The following FAM120A variants were observed in gnomAD, a reference collection of about 807,000 sequenced individuals.
FAM120A encodes family with sequence similarity 120 member A.
Under a neutral mutation model 109.7 loss-of-function variants are expected in FAM120A, and 15 were observed. The observed-to-expected ratio is 0.14, with a 90% CI of 0.09 to 0.21. FAM120A has a LOEUF of 0.21. FAM120A is among the 10% of genes least tolerant of loss of function. The pLI is 1.00. For synonymous variants in FAM120A, 493 were observed against 572.8 expected (o/e 0.86, Z 1.99); for missense variants, 899 against 1,439.3 (o/e 0.62, Z 6.07).
intron 17 of FAM120A, 60 bp from the exon 18 acceptor site, chr9:93,564,169 T>C: frequency 9.1e-6 from 14 of 1,532,144 alleles, no homozygotes; most frequent in Non-Finnish European, 1.2e-5. Context: ...AAAATTGGCA[T>C]CCTCTCTCTT....
intron 12 of FAM120A, 147 bp downstream of exon 12, chr9:93,550,838 T>C (rs1399975569): frequency 3.4e-6 from 2 of 587,460 alleles, no homozygotes; most frequent in Non-Finnish European, 6.1e-6. Flanking sequence ...TGATAAGAAC[T>C]TGATCAATCG....
chr9:93,460,489 G>T (rs118133531), intron 1 of FAM120A, among the ~76,000 whole-genome samples: 2 of 151,854 alleles, frequency 1.3e-5, no homozygotes, highest in Non-Finnish European at 2.9e-5. Context: ...TTACAGGCAC[G>T]CCATGCCCAG....
At chr9:93,525,730 A>G (rs116971240) in intron 7 of FAM120A, among the ~76,000 whole-genome samples, 20 of 137,300 alleles carry the variant, frequency 1.5e-4, no homozygotes, top group Non-Finnish European at 2.9e-4. Flanking sequence ...ACAGACCACT[A>G]CACTCTGGGG....
intron 12 of FAM120A, 87 bp downstream of exon 12, chr9:93,550,778 C>A: frequency 1.1e-6 from 1 of 919,572 alleles, no homozygotes; most frequent in Non-Finnish European, 1.7e-6. Context: ...GGCAGAATTG[C>A]TAATTCTTTA....
intron 7 of FAM120A, among the ~76,000 whole-genome samples, chr9:93,521,022 C>T (rs10821148): frequency 0.28 from 42,463 of 152,086 alleles, 6,998 homozygotes; most frequent in East Asian, 0.42. Context: ...TTGGAATGGA[C>T]GTCATGGGCT....
At chr9:93,548,739 T>C (rs1479441339) in intron 11 of FAM120A, among the ~76,000 whole-genome samples, 1 of 152,200 alleles carries the variant, frequency 6.6e-6, no homozygotes, top group Non-Finnish European at 1.5e-5. Context: ...CATCCGGCCC[T>C]GATTAAAACT....
intron 13 of FAM120A, 68 bp downstream of exon 13, chr9:93,556,659 T>A: frequency 7.0e-7 from 1 of 1,427,076 alleles, no homozygotes. Flanking sequence ...AAATCTGTCA[T>A]CTTTTATACC....
At position 93,475,013 on chromosome 9, in the gene FAM120A, T is replaced by C. The variant is rs1347283158; in HGVS notation, c.722-1243T>C. ...TCATTTGGACATCACGGGAGTTCAGTACCTCTGGCTTGTGTGTTTGTGTGT... is the reference window on the plus strand; with the variant it reads ...TCATTTGGACATCACGGGAGTTCAGCACCTCTGGCTTGTGTGTTTGTGTGT... On this transcript the variant is annotated intron_variant, in intron 2 of 17. Coordinates refer to ENST00000277165, the MANE Select transcript of FAM120A (RefSeq NM_014612.5). Among the ~76,000 whole-genome samples the C allele has an allele frequency of 2.6e-5, 4 of 152,240 alleles. No homozygotes were observed. The East Asian group carries it at 7.7e-4, about 29-fold the overall frequency.
chr9:93,529,334 TC>T lies in FAM120A; in HGVS notation c.1507-18del. ...ATGACATACACTCGTTTTCCTCCCT[TC>T]TGCTCTCTGCACTGTAGGCAGAAGG... On this transcript the variant is annotated intron_variant, in intron 8 of 17. Coordinates refer to ENST00000277165, the MANE Select transcript of FAM120A (RefSeq NM_014612.5). The T allele has an allele frequency of 6.4e-7, 1 of 1,573,310 alleles. No individual in the cohort carries two copies. Among genetic ancestry groups the T allele is most frequent in the Non-Finnish European group, 8.6e-7 (1 of 1,161,102 alleles).
At position 93,452,476 on chromosome 9, in the gene FAM120A, G is replaced by T. The variant is rs756034568; in HGVS notation, c.474+87G>T. 1.8e-5 allele frequency: 28 copies of T among 1,544,046 alleles called. No individual in the cohort carries two copies. In the South Asian group the frequency reaches 3.1e-4, roughly 17 times the overall value. ...CCAGGGCGCAGAATGTCGCCCGGCC[G>T]TGGCGGCGCTGGGGGCAGCGAGTTC... On this transcript the variant is annotated intron_variant, in intron 1 of 17. Coordinates refer to ENST00000277165, the MANE Select transcript of FAM120A (RefSeq NM_014612.5). This position sits in a 1 kb window ranked among gnomAD's most constrained non-coding sequence, Gnocchi z 7.0.
At chr9:93,463,502 CA>C (rs1171346436) in intron 1 of FAM120A, among the ~76,000 whole-genome samples, 1 of 152,152 alleles carries the variant, frequency 6.6e-6, no homozygotes. Context: ...AAAAATCTGC[CA>C]CCAAATTGGA....
chr9:93,509,538 T>A (rs566535849), intron 5 of FAM120A, among the ~76,000 whole-genome samples: 29 of 152,352 alleles, frequency 1.9e-4, no homozygotes, highest in East Asian at 3.9e-4. Flanking sequence ...TAATGATTTT[T>A]AAAAAAATTT....
chr9:93,467,252 C>CA (rs1023051282), intron 1 of FAM120A, among the ~76,000 whole-genome samples: 3 of 111,722 alleles, frequency 2.7e-5, no homozygotes, highest in Non-Finnish European at 4.2e-5. Context: ...TGTCACCCCC[C>CA]CCCCCCTTTT....
At chr9:93,501,555 C>G (rs1859804208) in intron 5 of FAM120A, among the ~76,000 whole-genome samples, 1 of 152,164 alleles carries the variant, frequency 6.6e-6, no homozygotes, top group Admixed American at 6.5e-5. Context: ...TAGGCATGAA[C>G]TGCCTGTAAA....
chr9:93,547,325 A>T (rs1398645975), intron 11 of FAM120A, among the ~76,000 whole-genome samples: 1 of 152,242 alleles, frequency 6.6e-6, no homozygotes, highest in African/African-American at 2.4e-5. Flanking sequence ...TGGAGGGCAT[A>T]AGGCTCCAGA....
At chr9:93,494,463 G>A (rs868051153) in intron 3 of FAM120A, among the ~76,000 whole-genome samples, 2 of 152,134 alleles carry the variant, frequency 1.3e-5, no homozygotes, top group Non-Finnish European at 2.9e-5. Flanking sequence ...TGCTTGGAGG[G>A]GTGTGGGACA....
At chr9:93,555,048 G>C (rs764531173) in intron 12 of FAM120A, among the ~76,000 whole-genome samples, 3 of 152,136 alleles carry the variant, frequency 2.0e-5, no homozygotes, top group Non-Finnish European at 4.4e-5. Flanking sequence ...TCAGAGGTGG[G>C]GGTGGCTGGG....
chr9:93,495,619 A>C (rs1225087757), intron 3 of FAM120A, among the ~76,000 whole-genome samples: 1 of 152,216 alleles, frequency 6.6e-6, no homozygotes, highest in Admixed American at 6.5e-5. Flanking sequence ...GAAACACAAG[A>C]TACATCCCTT....
Position 93,527,188 on chromosome 9 carries a change from G to A in FAM120A, c.1452G>A (p.Lys484=), listed in dbSNP as rs780037097. The part of the protein sequence containing the change: ...HISGNKIGWE[K]TGSHSEPQAR... Reference sequence around the variant, plus strand: ...GCGGGAACAAGATTGGCTGGGAGAAGACGGGAAGCCACTCAGAGCCTCAGG... The same window carrying A: ...GCGGGAACAAGATTGGCTGGGAGAAAACGGGAAGCCACTCAGAGCCTCAGG... Residue 484 remains lysine, a synonymous_variant, in exon 8 of 18, where the codon AAG becomes AAA. Coordinates refer to ENST00000277165, the MANE Select transcript of FAM120A (RefSeq NM_014612.5). 6 of 1,614,010 alleles carry A rather than the reference G, an allele frequency of 3.7e-6. No individual in the cohort carries two copies. The highest frequency in any genetic ancestry group is 5.1e-6 in the Non-Finnish European group (6 of 1,179,998).
Sources: gnomAD v4.1 joint callset for allele counts (sites outside exome capture counted in the v4.1 genomes callset) on GRCh38, gnomAD v4.1.1 for gene constraint, Gnocchi (gnomAD v3.1) non-coding constraint, MANE v1.5 for transcripts, NCBI Gene and HGNC (gene_info 2026-07-23, HGNC 2026-07-21) for gene names.